The following UNC5D variants were observed in gnomAD, a reference collection of about 807,000 sequenced individuals.
The protein encoded by UNC5D is netrin receptor UNC5D.
In UNC5D, 39 loss-of-function variants were observed where a neutral mutation model predicts 105.4. The observed-to-expected ratio is 0.37, with a 90% CI of 0.29 to 0.48. The LOEUF (loss-of-function observed/expected upper bound fraction) is 0.48, where lower values mean the gene tolerates loss of function less well. Among genes scored for constraint, UNC5D ranks in the 20% least tolerant of loss-of-function variants. The probability of loss-of-function intolerance (pLI) is 0.98; values close to 1 mark genes in which losing one functional copy is unlikely to be tolerated. For missense variants in UNC5D, 991 were observed against 1,202.4 expected (o/e 0.82, Z 2.60); for synonymous variants, 452 against 450.4 (o/e 1.00, Z -0.04).
At position 35,793,248 on chromosome 8, in the gene UNC5D, G is replaced by C. The variant is rs940511267; in HGVS notation, c.*2685G>C. 9.4e-6 allele frequency: 4 copies of C among 424,544 alleles called. No individual in the cohort carries two copies. The highest frequency in any genetic ancestry group is 8.2e-5 in the African/African-American group (4 of 48,694). The allele number at this position is 424,544 out of a possible 1,614,324, so 26.3% of individuals were successfully genotyped here. On this transcript the variant is annotated 3_prime_UTR_variant, in exon 17 of 17. Coordinates refer to ENST00000404895, the MANE Select transcript of UNC5D (RefSeq NM_080872.4). ...TTTCAAAGAGAACCCACATTTGTGA[G>C]ATTTACAGACCAAGGTGTGGTGGAG...
intron 1 of UNC5D, among the ~76,000 whole-genome samples, chr8:35,276,165 A>G (rs910870504): frequency 2.4e-4 from 36 of 152,198 alleles, no homozygotes; most frequent in African/African-American, 8.0e-4. Context: ...AATTGTCAGT[A>G]AAGAGGTTTA....
intron 4 of UNC5D, among the ~76,000 whole-genome samples, chr8:35,615,355 G>C (rs1311577349): frequency 6.6e-6 from 1 of 151,954 alleles, no homozygotes; most frequent in Non-Finnish European, 1.5e-5. Context: ...ACCTTTCTCT[G>C]TGTCCTCATT....
At chr8:35,525,511 T>A in intron 1 of UNC5D, 3 of 1,612,346 alleles carry the variant, frequency 1.9e-6, no homozygotes, top group Non-Finnish European at 2.5e-6. Flanking sequence ...GCAAGCTTAC[T>A]AACATTGAGT....
chr8:35,403,551 T>C (rs979430839), intron 1 of UNC5D, among the ~76,000 whole-genome samples: 2 of 152,210 alleles, frequency 1.3e-5, no homozygotes, highest in Non-Finnish European at 2.9e-5. Context: ...TCTTTGCACT[T>C]TGGAATTTTG....
At chr8:35,280,139 G>T (rs1005849702) in intron 1 of UNC5D, among the ~76,000 whole-genome samples, 3 of 152,046 alleles carry the variant, frequency 2.0e-5, no homozygotes, top group Admixed American at 2.0e-4. Flanking sequence ...GGGATTACAG[G>T]TGCCCACCAC....
intron 1 of UNC5D, among the ~76,000 whole-genome samples, chr8:35,381,369 A>G (rs1246957366): frequency 6.6e-6 from 1 of 152,136 alleles, no homozygotes; most frequent in Non-Finnish European, 1.5e-5. Context: ...ATTTATAACC[A>G]TAGACTCTCA....
At chr8:35,695,727 T>TTATTTATA (rs1406468301) in intron 7 of UNC5D, among the ~76,000 whole-genome samples, 16 of 150,154 alleles carry the variant, frequency 1.1e-4, no homozygotes, top group African/African-American at 3.7e-4. Context: ...ATTTATTTAT[T>TTATTTATA]TATTTATTTA....
At chr8:35,554,696 T>C (rs1280835462) in intron 2 of UNC5D, among the ~76,000 whole-genome samples, 1 of 152,234 alleles carries the variant, frequency 6.6e-6, no homozygotes, top group Non-Finnish European at 1.5e-5. Flanking sequence ...AAACCACTTC[T>C]TTATTGTTCA....
intron 3 of UNC5D, among the ~76,000 whole-genome samples, chr8:35,587,376 G>C (rs931066125): frequency 1.3e-5 from 2 of 152,154 alleles, no homozygotes; most frequent in African/African-American, 4.8e-5. Context: ...GCACATATCT[G>C]TTCATGGTTT....
At position 35,235,573 on chromosome 8, in the gene UNC5D, C is replaced by T. The variant is rs1238845107; in HGVS notation, c.-212C>T. On this transcript the variant is annotated 5_prime_UTR_variant, in exon 1 of 17. Coordinates refer to ENST00000404895, the MANE Select transcript of UNC5D (RefSeq NM_080872.4). ...CGCGCTGGCGGCAGCGGTCGCCGCG[C>T]CGTGGGAAGCTATGGGGACGCGCCC... The T allele has an allele frequency of 5.2e-6, 2 of 385,408 alleles. No individual in the cohort carries two copies. The highest frequency in any genetic ancestry group is 4.5e-6 in the Non-Finnish European group (1 of 221,434). The allele number at this position is 385,408 out of a possible 1,614,324, so 23.9% of individuals were successfully genotyped here.
chr8:35,267,469 C>T (rs1804964182), intron 1 of UNC5D, among the ~76,000 whole-genome samples: 2 of 152,152 alleles, frequency 1.3e-5, no homozygotes, highest in Admixed American at 1.3e-4. Context: ...GATGGAGTCT[C>T]ACTCTGTCAC....
At chr8:35,788,919 C>T (rs1288467591) in intron 16 of UNC5D, among the ~76,000 whole-genome samples, 2 of 151,300 alleles carry the variant, frequency 1.3e-5, no homozygotes, top group Admixed American at 6.6e-5. Context: ...TACCCTTGTT[C>T]GTTCTTCCTC....
intron 15 of UNC5D, among the ~76,000 whole-genome samples, chr8:35,773,056 C>G (rs1003610530): frequency 6.6e-6 from 1 of 152,120 alleles, no homozygotes; most frequent in Non-Finnish European, 1.5e-5. Flanking sequence ...AGGTCAGGCC[C>G]ACCCAGAAAA....
chr8:35,431,435 T>G (rs1398316057), intron 1 of UNC5D, among the ~76,000 whole-genome samples: 1 of 152,168 alleles, frequency 6.6e-6, no homozygotes, highest in East Asian at 1.9e-4. Flanking sequence ...AGATTATAAC[T>G]TAAACATTTA....
chr8:35,688,500 T>C (rs972102970), intron 7 of UNC5D, among the ~76,000 whole-genome samples: 1 of 152,208 alleles, frequency 6.6e-6, no homozygotes, highest in Non-Finnish European at 1.5e-5. Flanking sequence ...ATAGTGCCTT[T>C]ATTTGCTAGT....
chr8:35,283,944 T>G (rs1806391330), intron 1 of UNC5D, among the ~76,000 whole-genome samples: 1 of 152,230 alleles, frequency 6.6e-6, no homozygotes, highest in Non-Finnish European at 1.5e-5. Flanking sequence ...ATATCTAGAT[T>G]CATTCAATTA....
intron 1 of UNC5D, among the ~76,000 whole-genome samples, chr8:35,469,675 T>C (rs1809568632): frequency 6.6e-6 from 1 of 152,204 alleles, no homozygotes; most frequent in Non-Finnish European, 1.5e-5. Context: ...CTATGTAATA[T>C]TTCCATTTGA....
intron 1 of UNC5D, among the ~76,000 whole-genome samples, chr8:35,250,093 A>G (rs1455711189): frequency 1.3e-5 from 2 of 152,140 alleles, no homozygotes; most frequent in Admixed American, 1.3e-4. Context: ...AGATTAAAAG[A>G]TGAGCCCCAA....
At chr8:35,237,187 T>G (rs1284518045) in intron 1 of UNC5D, among the ~76,000 whole-genome samples, 1 of 144,492 alleles carries the variant, frequency 6.9e-6, no homozygotes, top group Non-Finnish European at 1.5e-5. Flanking sequence ...AAGTTTTTTT[T>G]TTTTTTTTTT....
Sources: allele counts gnomAD v4.1 joint callset (sites outside exome capture counted in the v4.1 genomes callset), GRCh38; gene constraint gnomAD v4.1.1; transcripts MANE v1.5; gene names NCBI Gene and HGNC (gene_info 2026-07-23, HGNC 2026-07-21).